The following CHD7 variants were observed in gnomAD, a reference collection of about 807,000 sequenced individuals.
CHD7 encodes chromodomain helicase DNA binding protein 7.
In CHD7, 24 loss-of-function variants were observed where a neutral mutation model predicts 307.3. That is an observed-to-expected ratio of 0.08 (90% CI 0.06 to 0.11). CHD7 has a LOEUF of 0.11. CHD7 is among the 10% of genes least tolerant of loss of function. CHD7 has a pLI of 1.00. For synonymous variants in CHD7, 1,363 were observed against 1,349.9 expected (o/e 1.01, Z -0.21); for missense variants, 3,106 against 3,727.1 (o/e 0.83, Z 4.34).
At chr8:60,833,431 G>T (rs1160712396) in intron 15 of CHD7, among the ~76,000 whole-genome samples, 2 of 152,202 alleles carry the variant, frequency 1.3e-5, no homozygotes, top group Non-Finnish European at 2.9e-5. Flanking sequence ...GAGGCAGGAG[G>T]CGTGTAGAGG....
intron 2 of CHD7, among the ~76,000 whole-genome samples, chr8:60,761,281 G>C (rs2150620734): frequency 7.1e-6 from 1 of 139,970 alleles, no homozygotes; most frequent in South Asian, 2.2e-4. Flanking sequence ...TCATAGGTGG[G>C]AATTGAACAA....
chr8:60,832,523 T>C (rs556319266), intron 15 of CHD7, among the ~76,000 whole-genome samples: 1 of 152,266 alleles, frequency 6.6e-6, no homozygotes, highest in East Asian at 1.9e-4. Flanking sequence ...TGAGGACACG[T>C]GTGTGCATGC....
At position 60,829,209 on chromosome 8, in the gene CHD7, C is replaced by T. The variant is rs564155614; in HGVS notation, c.3522+403C>T. ...TGTGAAGCATCTGTACTCAGCCACACCGCTTACTTCTTCAAGCCTACGTAT... is the reference window on the plus strand; with the variant it reads ...TGTGAAGCATCTGTACTCAGCCACATCGCTTACTTCTTCAAGCCTACGTAT... On this transcript the variant is annotated intron_variant, in intron 14 of 37. Coordinates refer to ENST00000423902, the MANE Select transcript of CHD7 (RefSeq NM_017780.4). 8.5e-5 allele frequency among the ~76,000 whole-genome samples: 13 copies of T among 152,350 alleles called. No homozygotes were observed. The South Asian group carries it at 2.5e-3, about 29-fold the overall frequency.
intron 7 of CHD7, among the ~76,000 whole-genome samples, chr8:60,812,918 A>G (rs1812881251): frequency 6.6e-6 from 1 of 151,874 alleles, no homozygotes; most frequent in African/African-American, 2.4e-5. Flanking sequence ...ATATTCTTGC[A>G]TGTTTATTTT....
chr8:60,698,553 G>A (rs527292897), intron 1 of CHD7, among the ~76,000 whole-genome samples: 32 of 152,228 alleles, frequency 2.1e-4, no homozygotes, highest in African/African-American at 7.5e-4. Context: ...TCTGCCTTTG[G>A]GATCTTGGGC....
rs557773442 is a variant in CHD7, at chr8:60,810,791, G to A, written c.2498+2519G>A. ...TATTCTCTTTTCCTACCCCACCAGT[G>A]TGGTTTGTTATTTATTTCAGGGGTC... On this transcript the variant is annotated intron_variant, in intron 7 of 37. Coordinates refer to ENST00000423902, the MANE Select transcript of CHD7 (RefSeq NM_017780.4). Among the ~76,000 whole-genome samples the A allele has an allele frequency of 3.6e-4, 55 of 152,194 alleles. No homozygotes were observed. In the South Asian group the frequency reaches 0.011, roughly 29 times the overall value.
chr8:60,694,636 C>A (rs1806370296), intron 1 of CHD7, among the ~76,000 whole-genome samples: 1 of 152,208 alleles, frequency 6.6e-6, no homozygotes, highest in Admixed American at 6.5e-5. Context: ...GGGCAAGAGC[C>A]CTTTGTCTCT....
Position 60,861,035 on chromosome 8 carries a change from G to A in CHD7, c.7740G>A (p.Leu2580=). The change falls in exon 35 of 38, where the codon CTG becomes CTA. Residue 2580 remains leucine (L), a synonymous_variant. Coordinates refer to ENST00000423902, the MANE Select transcript of CHD7 (RefSeq NM_017780.4). The stretch of plus-strand genomic sequence containing the variant: ...TCAATCTTGAAGATGGGACTAGGCT[G>A]GTGGGGGAAGATGCTCCTAAAAATA... ...PVINLEDGTR[L]VGEDAPKNKD... The A allele has an allele frequency of 6.2e-7, 1 of 1,614,018 alleles. No individual in the cohort carries two copies. The highest frequency in any genetic ancestry group is 8.5e-7 in the Non-Finnish European group (1 of 1,179,888).
chr8:60,860,959 G>A lies in CHD7; in HGVS notation c.7664G>A (p.Arg2555Lys), dbSNP rs1429070313. 6.2e-7 allele frequency: 1 copy of A among 1,614,006 alleles called. No homozygotes were observed. The highest frequency in any genetic ancestry group is 1.7e-5 in the Admixed American group (1 of 60,026). Residue 2555 changes from arginine to lysine, a missense_variant, in exon 35 of 38, where the codon AGA (arginine) becomes AAA (lysine). Around this residue, in one of 10 missense-constraint regions of CHD7, gnomAD observed 1,030 missense variants for 1,165.4 expected, o/e 0.88. Transcript: ENST00000423902. ...FEEDIETPPTRNIPSPGQLDP... is the reference protein window; with the variant it reads ...FEEDIETPPTKNIPSPGQLDP... Reference sequence around the variant, plus strand: ...GAAGATATAGAGACCCCACCAACAAGAAACATTCCTTCTCCCGGACAGCTG... The same window carrying A: ...GAAGATATAGAGACCCCACCAACAAAAAACATTCCTTCTCCCGGACAGCTG...
At chr8:60,701,843 CTTGT>C (rs1563527759) in intron 1 of CHD7, among the ~76,000 whole-genome samples, 2 of 152,106 alleles carry the variant, frequency 1.3e-5, no homozygotes, top group Admixed American at 1.3e-4. Context: ...ATCATTTTGG[CTTGT>C]TTAATTTTTC....
intron 1 of CHD7, among the ~76,000 whole-genome samples, chr8:60,718,877 C>T (rs1036694219): frequency 6.6e-6 from 1 of 152,164 alleles, no homozygotes; most frequent in Non-Finnish European, 1.5e-5. Flanking sequence ...CATTTTTAAT[C>T]TTTTATATTG....
chr8:60,852,975 A>G lies in CHD7; in HGVS notation c.6250A>G (p.Ser2084Gly), dbSNP rs201083157. The G allele has an allele frequency of 5.0e-5, 80 of 1,613,916 alleles. No individual in the cohort carries two copies. In the African/African-American group the frequency reaches 9.7e-4, roughly 20 times the overall value. The stretch of plus-strand genomic sequence containing the variant: ...AGAGAGGCTTAAGCTCTGCCAGCCA[A>G]GCTTGGATCTGCCAGAGTGGTGGGA... Reference protein sequence around the residue: ...LGERLKLCQPSLDLPEWWECG... With the variant: ...LGERLKLCQPGLDLPEWWECG... The change falls in exon 31 of 38, where the codon AGC becomes GGC. Residue 2084 changes from serine (S) to glycine (G), a missense_variant. Coordinates refer to ENST00000423902, the MANE Select transcript of CHD7 (RefSeq NM_017780.4).
intron 1 of CHD7, among the ~76,000 whole-genome samples, chr8:60,691,313 C>G (rs1204430917): frequency 1.3e-5 from 2 of 152,156 alleles, no homozygotes; most frequent in Non-Finnish European, 2.9e-5. Flanking sequence ...CTTTATAACA[C>G]TGCTTCAGCC....
Position 60,742,747 on chromosome 8 carries a change from C to G in CHD7, c.1315C>G (p.Pro439Ala), listed in dbSNP as rs772369092. The change falls in exon 2 of 38, where the codon CCC (proline) becomes GCC (alanine). Residue 439 changes from proline (P) to alanine (A), a missense_variant. Physicochemically the swap from Pro to Ala is conservative, Grantham distance 27. Transcript: ENST00000423902. ...GCCCCATCCTCAGCCATCTCACCAG[C>G]CCCCTGGTGCCATGGGAATCGGACA... ...NMPHPQPSHQPPGAMGIGQRN... is the reference protein window; with the variant it reads ...NMPHPQPSHQAPGAMGIGQRN... 5 of 1,613,878 alleles carry G rather than the reference C, an allele frequency of 3.1e-6. No homozygotes were observed. In the Admixed American group the frequency reaches 8.3e-5, roughly 27 times the overall value.
intron 1 of CHD7, among the ~76,000 whole-genome samples, chr8:60,723,255 C>T (rs1807998787): frequency 6.6e-6 from 1 of 152,028 alleles, no homozygotes; most frequent in Admixed American, 6.6e-5. Context: ...TCATTGGCAA[C>T]AAAACTGTCA....
At chr8:60,806,933 G>T (rs975012181) in intron 6 of CHD7, among the ~76,000 whole-genome samples, 28 of 152,210 alleles carry the variant, frequency 1.8e-4, no homozygotes, top group African/African-American at 6.8e-4. Context: ...GCTGAGGCAG[G>T]AGGATTGCTT....
intron 13 of CHD7, among the ~76,000 whole-genome samples, chr8:60,827,258 A>G (rs1381607798): frequency 1.3e-5 from 2 of 150,428 alleles, no homozygotes; most frequent in Admixed American, 6.6e-5. Context: ...TAAAAAAAAA[A>G]AAAGAAAGGA....
intron 1 of CHD7, among the ~76,000 whole-genome samples, chr8:60,713,420 T>A (rs1586199736): frequency 6.6e-6 from 1 of 152,322 alleles, no homozygotes; most frequent in Non-Finnish European, 1.5e-5. Flanking sequence ...AGAAATTTTT[T>A]TTTTTAATTG....
intron 1 of CHD7, among the ~76,000 whole-genome samples, chr8:60,740,967 C>T (rs888008656): frequency 6.6e-6 from 1 of 152,202 alleles, no homozygotes; most frequent in Admixed American, 6.5e-5. Flanking sequence ...TTCTTTTGTT[C>T]TGTTTCATCC....
Sources: gnomAD v4.1 joint callset for allele counts (sites outside exome capture counted in the v4.1 genomes callset) on GRCh38, gnomAD v4.1.1 for gene constraint, gnomAD v4.1.1 regional missense constraint, MANE v1.5 for transcripts, NCBI Gene and HGNC (gene_info 2026-07-23, HGNC 2026-07-21) for gene names.